Variants in STK3 observed in about 807,000 individuals in gnomAD.
STK3 encodes the protein serine/threonine kinase 3.
Under a neutral mutation model 58.0 loss-of-function variants are expected in STK3, and 41 were observed. The observed-to-expected ratio is 0.71, with a 90% CI of 0.55 to 0.92. The LOEUF is 0.92. STK3 is among the 40% of genes least tolerant of loss of function. The pLI, the probability that STK3 is intolerant of heterozygous loss-of-function variation, is 0.00. For missense variants in STK3, 479 were observed against 602.7 expected (o/e 0.79, Z 2.15); for synonymous variants, 170 against 191.0 (o/e 0.89, Z 0.91).
At chr8:98,375,100 A>C (rs1817659269) in intron 2 of STK3, among the ~76,000 whole-genome samples, 1 of 151,794 alleles carries the variant, frequency 6.6e-6, no homozygotes, top group Non-Finnish European at 1.5e-5. Context: ...ACAAAAAAAA[A>C]AACTATTAGC....
At chr8:98,623,627 TACA>T (rs1563818125) in intron 6 of STK3, among the ~76,000 whole-genome samples, 2 of 152,090 alleles carry the variant, frequency 1.3e-5, no homozygotes, top group Admixed American at 6.5e-5. Flanking sequence ...CTACAAAATA[TACA>T]ACAATTAGCC....
At chr8:98,414,031 C>T (rs1818087443) in intron 3 of STK3, among the ~76,000 whole-genome samples, 1 of 152,186 alleles carries the variant, frequency 6.6e-6, no homozygotes, top group African/African-American at 2.4e-5. Context: ...TGGGAGGCCA[C>T]AGTGGGTGGA....
intron 1 of STK3, among the ~76,000 whole-genome samples, chr8:98,916,180 C>T (rs933375769): frequency 3.3e-5 from 5 of 152,036 alleles, no homozygotes; most frequent in Non-Finnish European, 5.9e-5. Context: ...TTTGGGAGAC[C>T]GAGGCGAGTG....
intron 7 of STK3, among the ~76,000 whole-genome samples, chr8:98,584,657 C>A (rs1164869285): frequency 1.3e-5 from 2 of 149,946 alleles, no homozygotes; most frequent in East Asian, 2.0e-4. Flanking sequence ...AGTTCTAGAT[C>A]CCTGAGGAAT....
chr8:98,900,220 G>T (rs1345408215), intron 1 of STK3, among the ~76,000 whole-genome samples: 5 of 151,644 alleles, frequency 3.3e-5, no homozygotes, highest in Non-Finnish European at 5.9e-5. Flanking sequence ...GAGATTACAG[G>T]CGCCCGCCAC....
At chr8:98,825,818 GCCCC>G (rs1564039941), upstream of STK3, 197 of 61,184 alleles carry the variant, frequency 3.2e-3, no homozygotes, top group African/African-American at 0.011. Context: ...GCCCCCGGCC[GCCCC>G]GCCCCGCCCC....
intron 1 of STK3, among the ~76,000 whole-genome samples, chr8:98,447,845 T>A (rs1354925285): frequency 6.7e-6 from 1 of 148,920 alleles, no homozygotes; most frequent in Non-Finnish European, 1.5e-5. Flanking sequence ...TTGAACAAGA[T>A]TAAAAAACTA....
intron 3 of STK3, among the ~76,000 whole-genome samples, chr8:98,765,559 T>G (rs1461998813): frequency 6.6e-6 from 1 of 152,122 alleles, no homozygotes; most frequent in Non-Finnish European, 1.5e-5. Flanking sequence ...CACGAGACAA[T>G]TTTTACAAAT....
chr8:98,377,141 T>G (rs74898848), intron 2 of STK3, among the ~76,000 whole-genome samples: 1 of 152,178 alleles, frequency 6.6e-6, no homozygotes, highest in South Asian at 2.1e-4. Flanking sequence ...GCCATGTTAA[T>G]GAACACAGCA....
chr8:98,467,548 ATGTGTGTG>A (rs61136775), intron 10 of STK3, among the ~76,000 whole-genome samples: 19 of 148,084 alleles, frequency 1.3e-4, no homozygotes, highest in African/African-American at 4.0e-4. Context: ...TATTTAAAAA[ATGTGTGTG>A]TGTGTGTGTG....
chr8:98,391,128 A>G (rs1817845169), upstream of STK3, among the ~76,000 whole-genome samples: 1 of 152,188 alleles, frequency 6.6e-6, no homozygotes, highest in Non-Finnish European at 1.5e-5. Context: ...CATTTTGATT[A>G]TTAGACTATG....
chr8:98,367,663 G>A (rs2130985436), downstream of STK3, among the ~76,000 whole-genome samples: 1 of 152,328 alleles, frequency 6.6e-6, no homozygotes, highest in African/African-American at 2.4e-5. Context: ...GCTATAGCCA[G>A]AGTCTCCTTC....
chr8:98,635,381 T>C (rs1265956487), intron 6 of STK3, among the ~76,000 whole-genome samples: 2 of 152,180 alleles, frequency 1.3e-5, no homozygotes, highest in Non-Finnish European at 2.9e-5. Context: ...CAAAACCCTA[T>C]GAGGAAGTAT....
intron 3 of STK3, among the ~76,000 whole-genome samples, chr8:98,837,093 A>G (rs961805283): frequency 1.3e-5 from 2 of 152,156 alleles, no homozygotes; most frequent in African/African-American, 4.8e-5. Flanking sequence ...ACCCCTTGAA[A>G]TGGTCTCAGA....
chr8:98,491,197 GAGA>G (rs1822670783), intron 10 of STK3, among the ~76,000 whole-genome samples: 1 of 132,502 alleles, frequency 7.5e-6, no homozygotes, highest in Non-Finnish European at 1.7e-5. Flanking sequence ...GAGAGAGAGA[GAGA>G]CAGAGAGAGA....
At chr8:98,470,263 T>C (rs758773307) in intron 10 of STK3, among the ~76,000 whole-genome samples, 3 of 152,236 alleles carry the variant, frequency 2.0e-5, no homozygotes, top group African/African-American at 4.8e-5. Flanking sequence ...CCTAAGTTCT[T>C]CTAGCCTATT....
intron 1 of STK3, among the ~76,000 whole-genome samples, chr8:98,784,324 G>A (rs1357008769): frequency 6.6e-6 from 1 of 152,214 alleles, no homozygotes. Flanking sequence ...AGCAGTAGGT[G>A]CTGGGATTGT....
chr8:98,912,904 G>T (rs1488224434), intron 1 of STK3, among the ~76,000 whole-genome samples: 1 of 151,984 alleles, frequency 6.6e-6, no homozygotes, highest in Non-Finnish European at 1.5e-5. Context: ...AAGTCTCACT[G>T]GTTGTGGTTT....
intron 1 of STK3, among the ~76,000 whole-genome samples, chr8:98,796,599 G>C (rs1163232905): frequency 1.3e-5 from 2 of 152,178 alleles, no homozygotes. Flanking sequence ...CCAAAAAACT[G>C]ACAAGTGGGA....
Sources: gnomAD v4.1 joint callset for allele counts (sites outside exome capture counted in the v4.1 genomes callset) on GRCh38, gnomAD v4.1.1 for gene constraint, MANE v1.5 for transcripts, NCBI Gene and HGNC (gene_info 2026-07-23, HGNC 2026-07-21) for gene names.